The following PEX5L variants were observed in gnomAD, a reference collection of about 807,000 sequenced individuals.
PEX5L encodes the protein peroxisomal biogenesis factor 5 like.
PEX5L carries 30 observed loss-of-function variants against 84.0 expected under a neutral mutation model. The observed-to-expected ratio is 0.36, with a 90% CI of 0.27 to 0.48. PEX5L has a LOEUF of 0.48. PEX5L is among the 20% of genes least tolerant of loss of function. The pLI is 0.99. For synonymous variants in PEX5L, 270 were observed against 283.1 expected (o/e 0.95, Z 0.46); for missense variants, 533 against 754.6 (o/e 0.71, Z 3.44).
chr3:179,807,484 T>C (rs1721788340), intron 14 of PEX5L, among the ~76,000 whole-genome samples, 190 bp downstream of exon 14: 2 of 152,172 alleles, frequency 1.3e-5, no homozygotes, highest in African/African-American at 2.4e-5. Flanking sequence ...CTCTAAAGAT[T>C]GAGAACCAGA....
intron 2 of PEX5L, among the ~76,000 whole-genome samples, chr3:179,938,505 T>G (rs4146788): frequency 0.79 from 120,348 of 152,168 alleles, 48,019 homozygotes; most frequent in African/African-American, 0.88. Context: ...CACTATGGTG[T>G]GCAAGGGAAA....
At chr3:179,871,468 T>C (rs575092830) in intron 7 of PEX5L, among the ~76,000 whole-genome samples, 2 of 152,350 alleles carry the variant, frequency 1.3e-5, no homozygotes, top group Non-Finnish European at 2.9e-5. Flanking sequence ...ATATAAATTG[T>C]TCATAGATTA....
intron 14 of PEX5L, among the ~76,000 whole-genome samples, chr3:179,802,367 T>C (rs1266568013): frequency 6.6e-6 from 1 of 151,492 alleles, no homozygotes; most frequent in Non-Finnish European, 1.5e-5. Flanking sequence ...AAACCCTGTC[T>C]CTACTAAAAA....
chr3:179,849,820 A>G (rs1741083290), intron 8 of PEX5L, among the ~76,000 whole-genome samples: 3 of 152,254 alleles, frequency 2.0e-5, no homozygotes, highest in East Asian at 1.9e-4. Flanking sequence ...TCACATCCAG[A>G]ATGCAGATCG....
chr3:179,890,035 T>C (rs1256453159), intron 3 of PEX5L, among the ~76,000 whole-genome samples: 1 of 152,232 alleles, frequency 6.6e-6, no homozygotes, highest in East Asian at 1.9e-4. Context: ...ATCTCATTTG[T>C]AGTTAGTGCA....
In PEX5L at chr3:180,036,875, G is replaced by T. The variant is rs1279379557; in HGVS notation, c.-276C>A. 9.3e-6 allele frequency: 5 copies of T among 537,564 alleles called. No individual in the cohort carries two copies. The East Asian group carries it at 1.2e-4, about 13-fold the overall frequency. The allele number at this position is 537,564 out of a possible 1,614,324, so 33.3% of individuals were successfully genotyped here. A position where few individuals can be genotyped will look rare whatever the true frequency, so the allele number is the denominator to read the frequency against. ...TCGGCCAGGCTCTCCTGCAGGCGCG[G>T]GTCCTGCTCGCGGGGCGTCTCTAGA... On this transcript the variant is annotated 5_prime_UTR_variant, in exon 1 of 15. Coordinates refer to ENST00000467460, the MANE Select transcript of PEX5L (RefSeq NM_016559.3).
At chr3:179,966,821 A>G (rs528790938) in intron 2 of PEX5L, among the ~76,000 whole-genome samples, 3 of 152,182 alleles carry the variant, frequency 2.0e-5, no homozygotes, top group Non-Finnish European at 4.4e-5. Flanking sequence ...CTTCCTTTAC[A>G]AGGTGAAAAT....
chr3:179,819,771 T>C, intron 9 of PEX5L, 89 bp downstream of exon 9: 1 of 1,111,948 alleles, frequency 9.0e-7, no homozygotes, highest in Non-Finnish European at 1.3e-6. Context: ...TACTGTGTTT[T>C]TGACAGAATA....
chr3:179,960,799 C>T (rs1781811508), intron 2 of PEX5L, among the ~76,000 whole-genome samples: 1 of 152,088 alleles, frequency 6.6e-6, no homozygotes, highest in African/African-American at 2.4e-5. Flanking sequence ...CAACATAGCT[C>T]ATTTTTTTCA....
chr3:179,864,720 A>G (rs1024532435), intron 7 of PEX5L, among the ~76,000 whole-genome samples: 1 of 152,182 alleles, frequency 6.6e-6, no homozygotes, highest in Non-Finnish European at 1.5e-5. Flanking sequence ...GAGTGAATGC[A>G]TATGTTAATT....
At position 179,875,468 on chromosome 3, in the gene PEX5L, G is replaced by A. The variant is rs1175382504; in HGVS notation, c.515C>T (p.Thr172Ile). Residue 172 changes from threonine to isoleucine, a missense_variant, in exon 6 of 15, where the codon ACA (threonine) becomes ATA (isoleucine). By Grantham distance (89) the Thr-to-Ile change is moderately conservative. Transcript: ENST00000467460. ...AACATCGTCCCATTTTTCCAGTTGT[G>A]TTTGAATGTCTAGTAAGTACAGAGG... ...ETSSLDLDIQTQLEKWDDVKF... is the reference protein window; with the variant it reads ...ETSSLDLDIQIQLEKWDDVKF... 4.2e-6 allele frequency: 6 copies of A among 1,424,382 alleles called. No individual in the cohort carries two copies. In the Admixed American group the frequency reaches 1.1e-4, roughly 26 times the overall value. 88.2% of individuals were successfully genotyped at this position (1,424,382 alleles called of 1,614,324 possible).
At chr3:179,964,841 C>T (rs562756866) in intron 2 of PEX5L, among the ~76,000 whole-genome samples, 6 of 152,276 alleles carry the variant, frequency 3.9e-5, no homozygotes, top group South Asian at 2.1e-4. Flanking sequence ...AAGCACTTAC[C>T]GCACGCTACG....
At chr3:179,833,718 A>G (rs539413059) in intron 8 of PEX5L, among the ~76,000 whole-genome samples, 57 of 152,320 alleles carry the variant, frequency 3.7e-4, no homozygotes, top group African/African-American at 1.3e-3. Context: ...AAAAGAACGA[A>G]AAAAGAAAAA....
intron 4 of PEX5L, among the ~76,000 whole-genome samples, chr3:179,883,999 CTATT>C (rs1754974506): frequency 6.6e-6 from 1 of 152,170 alleles, no homozygotes; most frequent in African/African-American, 2.4e-5. Flanking sequence ...ATTACAAAAA[CTATT>C]TATTGAAAAT....
rs1419834023 is a variant in PEX5L, at chr3:180,011,188, A to G, written c.21+25391T>C. Among the ~76,000 whole-genome samples the G allele has an allele frequency of 3.9e-5, 6 of 152,196 alleles. No homozygotes were observed. In the East Asian group the frequency reaches 1.2e-3, roughly 29 times the overall value. On this transcript the variant is annotated intron_variant, in intron 1 of 14. Coordinates refer to ENST00000467460, the MANE Select transcript of PEX5L (RefSeq NM_016559.3). ...CACCTAAAAGCAAGGTTAGCTCTCAATTACAGTGTATTATTGAAATCCAAA... is the reference window on the plus strand; with the variant it reads ...CACCTAAAAGCAAGGTTAGCTCTCAGTTACAGTGTATTATTGAAATCCAAA...
In PEX5L at chr3:179,811,768, C is replaced by T. The variant is rs201911243; in HGVS notation, c.1154+33G>A. 6.1e-6 allele frequency: 9 copies of T among 1,464,738 alleles called. No individual in the cohort carries two copies. The African/African-American group carries it at 6.9e-5, about 11-fold the overall frequency. 90.7% of individuals were successfully genotyped at this position (1,464,738 alleles called of 1,614,324 possible). ...AGGAAGTTCATTAACAAGTATCCACCAGGCCCATGATTTTGCACTTAGCTT... is the reference window on the plus strand; with the variant it reads ...AGGAAGTTCATTAACAAGTATCCACTAGGCCCATGATTTTGCACTTAGCTT... On this transcript the variant is annotated intron_variant, in intron 11 of 14. Transcript: ENST00000467460.
chr3:179,972,361 T>C (rs967153960), intron 1 of PEX5L, among the ~76,000 whole-genome samples: 1 of 152,008 alleles, frequency 6.6e-6, no homozygotes, highest in African/African-American at 2.4e-5. Flanking sequence ...CATTGCAAAA[T>C]CTATAAATTC....
intron 1 of PEX5L, among the ~76,000 whole-genome samples, chr3:180,006,211 T>C (rs765567981): frequency 1.3e-5 from 2 of 152,218 alleles, no homozygotes; most frequent in Non-Finnish European, 2.9e-5. Context: ...GTCTATGACA[T>C]TGTTAATTAA....
intron 2 of PEX5L, among the ~76,000 whole-genome samples, chr3:179,970,284 G>A (rs1784398628): frequency 1.3e-5 from 2 of 152,070 alleles, no homozygotes; most frequent in African/African-American, 2.4e-5. Flanking sequence ...GGTGGGTCCA[G>A]TCCTTTGATC....
Sources: allele counts gnomAD v4.1 joint callset (sites outside exome capture counted in the v4.1 genomes callset), GRCh38; gene constraint gnomAD v4.1.1; transcripts MANE v1.5; gene names NCBI Gene and HGNC (gene_info 2026-07-23, HGNC 2026-07-21).